The following RGPD1 variants were observed in gnomAD, a reference collection of about 807,000 sequenced individuals.
RGPD1 encodes RANBP2-like and GRIP domain-containing protein 1.
RGPD1 carries 7 observed loss-of-function variants against 40.6 expected under a neutral mutation model. That is an observed-to-expected ratio of 0.17 (90% CI 0.10 to 0.32). The LOEUF is 0.32. RGPD1 is among the 10% of genes least tolerant of loss of function. The pLI is 1.00. For missense variants in RGPD1, 50 were observed against 472.5 expected (o/e 0.11, Z 8.29); for synonymous variants, 24 against 167.0 (o/e 0.14, Z 6.60).
chr2:86,998,429 C>G (rs1355556727), intron 22 of RGPD1, among the ~76,000 whole-genome samples: 1 of 19,198 alleles, frequency 5.2e-5, no homozygotes, highest in Non-Finnish European at 8.4e-5. Context: ...GCAGGAGAGT[C>G]GCTTGAACTC....
intron 7 of RGPD1, among the ~76,000 whole-genome samples, chr2:86,964,234 G>A (rs1681083491): frequency 9.5e-6 from 1 of 105,528 alleles, no homozygotes; most frequent in Non-Finnish European, 1.9e-5. Context: ...TAGTAGAGAC[G>A]GGGTTTCACT....
intron 20 of RGPD1, among the ~76,000 whole-genome samples, chr2:86,994,368 AT>A (rs1297328651): frequency 9.7e-6 from 1 of 102,626 alleles, no homozygotes; most frequent in Non-Finnish European, 1.8e-5. Context: ...TGACTTTGTG[AT>A]TTCTGAAAAA....
At chr2:86,955,913 G>T (rs1197414451) in intron 4 of RGPD1, among the ~76,000 whole-genome samples, 2 of 149,896 alleles carry the variant, frequency 1.3e-5, no homozygotes, top group African/African-American at 2.5e-5. Flanking sequence ...ATATGTAATG[G>T]CAGGAGATTG....
intron 1 of RGPD1, among the ~76,000 whole-genome samples, chr2:86,929,716 TA>T (rs1326581308): frequency 4.6e-4 from 52 of 112,504 alleles, no homozygotes; most frequent in Middle Eastern, 5.0e-3. Context: ...TTTTTTTTTT[TA>T]GCTGGTTCAC....
intron 1 of RGPD1, chr2:86,930,619 C>T (rs961607859): frequency 3.7e-5 from 60 of 1,611,572 alleles, no homozygotes; most frequent in Admixed American, 3.2e-4. Context: ...CAGCCAGTCT[C>T]CCCGCAGCAG....
At chr2:86,913,669 G>C (rs369922304), upstream of RGPD1, 423 of 1,272,004 alleles carry the variant, frequency 3.3e-4, 9 homozygotes, top group East Asian at 0.013. Context: ...GAGCCCGGCC[G>C]AGTGCAGCTG....
chr2:86,915,106 G>A (rs1677730015), intron 1 of RGPD1, among the ~76,000 whole-genome samples: 1 of 149,926 alleles, frequency 6.7e-6, no homozygotes, highest in Non-Finnish European at 1.5e-5. Flanking sequence ...GACCAGCCTG[G>A]CCAACGTGGT....
At chr2:86,942,934 G>T (rs1004135406) in intron 1 of RGPD1, among the ~76,000 whole-genome samples, 2 of 152,026 alleles carry the variant, frequency 1.3e-5, no homozygotes, top group Non-Finnish European at 2.9e-5. Context: ...GGCCCGCCCT[G>T]GCCCGGGCTT....
chr2:86,942,840 C>T (rs1462832279), intron 1 of RGPD1, among the ~76,000 whole-genome samples: 1 of 151,968 alleles, frequency 6.6e-6, no homozygotes, highest in African/African-American at 2.4e-5. Flanking sequence ...AGGAAGAGTC[C>T]TGGGGGGACC....
chr2:86,944,018 C>CAA lies in RGPD1; in HGVS notation c.72+1718_72+1719dup, dbSNP rs550193405. On this transcript the variant is annotated intron_variant, in intron 1 of 22. Coordinates refer to ENST00000641458, the MANE Select transcript of RGPD1 (RefSeq NM_001382344.1). ...GACAGAGGGAGACTCCAAAAAAAAA[C>CAA]AAAAAAAAACCAAAAAACGGAAACT... is the stretch of plus-strand genomic sequence containing the variant. Among the ~76,000 whole-genome samples the CAA allele has an allele frequency of 3.2e-3, 478 of 149,250 alleles. 4 individuals carry two copies. Among genetic ancestry groups the CAA allele is most frequent in the African/African-American group, 0.011 (444 of 40,616 alleles).
Position 86,929,689 on chromosome 2 carries a change from C to CTTTT in RGPD1, c.72+15792_72+15795dup, listed in dbSNP as rs753911867. ...GTAACCTGACTCCAGAGCCCACACT[C>CTTTT]TTTTTTTTTTTTTTTTTTTTTTTTT... On this transcript the variant is annotated intron_variant, in intron 1 of 22. Coordinates refer to the RGPD1 transcript ENST00000398193. Among the ~76,000 whole-genome samples, 8 of 52,618 alleles carry CTTTT rather than the reference C, an allele frequency of 1.5e-4. 1 individual carries two copies. The highest frequency in any genetic ancestry group is 2.0e-4 in the African/African-American group (3 of 14,894). 34.5% of individuals were successfully genotyped at this position (52,618 alleles called of 152,430 possible).
upstream of RGPD1, among the ~76,000 whole-genome samples, chr2:86,938,549 A>G (rs1214251379): frequency 6.6e-6 from 1 of 151,466 alleles, no homozygotes; most frequent in Admixed American, 6.6e-5. Flanking sequence ...GACTCAATCA[A>G]GTTACCTATC....
intron 1 of RGPD1, among the ~76,000 whole-genome samples, 175 bp downstream of exon 1, chr2:86,942,483 G>A (rs574154507): frequency 5.7e-5 from 7 of 121,990 alleles, no homozygotes; most frequent in Non-Finnish European, 1.0e-4. Flanking sequence ...CGACCTGGCC[G>A]GGCGGCGGCG....
Position 86,914,826 on chromosome 2 carries a change from G to T in RGPD1, c.72+905G>T. On this transcript the variant is annotated intron_variant, in intron 1 of 22. Transcript: ENST00000398193. The stretch of plus-strand genomic sequence containing the variant: ...CGGCGGCGGCGGCGGCGGCGGCGGC[G>T]GCGGCGGCCTCGACCTGGCCGGGCG... 2.7e-3 allele frequency among the ~76,000 whole-genome samples: 31 copies of T among 11,332 alleles called. 7 individuals are homozygous for T. The highest frequency in any genetic ancestry group is 0.011 in the African/African-American group (26 of 2,298). 7.4% of individuals were successfully genotyped at this position (11,332 alleles called of 152,430 possible).
intron 1 of RGPD1, among the ~76,000 whole-genome samples, chr2:86,924,372 T>C (rs940768199): frequency 6.6e-6 from 1 of 150,630 alleles, no homozygotes; most frequent in Non-Finnish European, 1.5e-5. Context: ...GCCAGCCTGG[T>C]CTCAAACTCC....
chr2:86,914,553 G>T (rs1183672741), intron 1 of RGPD1, among the ~76,000 whole-genome samples: 1 of 54,816 alleles, frequency 1.8e-5, no homozygotes, highest in Non-Finnish European at 3.9e-5. Context: ...GGGCGGCGGC[G>T]GCGGCGGCGG....
Position 87,010,982 on chromosome 2 carries a change from C to T in RGPD1, c.5237-1531C>T, listed in dbSNP as rs1370539046. 22 of 183,680 alleles carry T rather than the reference C, an allele frequency of 1.2e-4. 2 individuals carry two copies. The highest frequency in any genetic ancestry group is 4.5e-4 in the South Asian group (9 of 20,044). The allele number at this position is 183,680 out of a possible 1,614,324, so 11.4% of individuals were successfully genotyped here. On this transcript the variant is annotated intron_variant, in intron 22 of 22. Coordinates refer to ENST00000641458, the MANE Select transcript of RGPD1 (RefSeq NM_001382344.1). ...TCCTTTCCGAGAGGTGAACACGTTA[C>T]GCAATTATTAATAATATCCCTGTGG...
At chr2:86,925,133 T>C (rs71411891) in intron 1 of RGPD1, among the ~76,000 whole-genome samples, 2 of 142,208 alleles carry the variant, frequency 1.4e-5, no homozygotes, top group Non-Finnish European at 3.1e-5. Context: ...TTTAAAAAAT[T>C]TGTAAGCTGG....
rs890708319 is a variant in RGPD1, at chr2:86,956,047, A to G, written c.403-1659A>G. On this transcript the variant is annotated intron_variant, in intron 4 of 22. Transcript: ENST00000641458. ...TTTTTTTTTTTTGGAATTGAAATCC[A>G]TGAGATTTATAATTGTCATGCAAAG... Among the ~76,000 whole-genome samples the G allele has an allele frequency of 1.4e-5, 2 of 148,112 alleles. 1 individual carries two copies. Among genetic ancestry groups the G allele is most frequent in the African/African-American group, 5.0e-5 (2 of 39,698 alleles).
Sources: allele counts gnomAD v4.1 joint callset (sites outside exome capture counted in the v4.1 genomes callset), GRCh38; gene constraint gnomAD v4.1.1; transcripts MANE v1.5; gene names NCBI Gene and HGNC (gene_info 2026-07-23, HGNC 2026-07-21).